The following PLXNA4 variants were observed in gnomAD, a reference collection of about 807,000 sequenced individuals.
The protein encoded by PLXNA4 is plexin A4, also known as plexin-A4.
PLXNA4 carries 44 observed loss-of-function variants against 191.8 expected under a neutral mutation model. That is an observed-to-expected ratio of 0.23 (90% confidence interval 0.18 to 0.29). The LOEUF (loss-of-function observed/expected upper bound fraction) is 0.29. PLXNA4 is among the 10% of genes least tolerant of loss of function. PLXNA4 has a pLI of 1.00. For missense variants in PLXNA4, 1,800 were observed against 2,488.8 expected (o/e 0.72, Z 5.89); for synonymous variants, 1,082 against 1,009.5 (o/e 1.07, Z -1.36).
At chr7:132,238,277 G>T (rs1798768698) in intron 5 of PLXNA4, among the ~76,000 whole-genome samples, 1 of 152,152 alleles carries the variant, frequency 6.6e-6, no homozygotes, top group Admixed American at 6.5e-5. Flanking sequence ...TGATGAAAAT[G>T]TGACCAGAGG....
intron 3 of PLXNA4, among the ~76,000 whole-genome samples, chr7:132,372,524 A>C (rs761763062): frequency 6.6e-6 from 1 of 152,172 alleles, no homozygotes; most frequent in Non-Finnish European, 1.5e-5. Context: ...CAGCTACTGC[A>C]CCACAGCCTT....
At chr7:132,279,171 G>A (rs1299167996) in intron 4 of PLXNA4, among the ~76,000 whole-genome samples, 1 of 152,234 alleles carries the variant, frequency 6.6e-6, no homozygotes, top group Admixed American at 6.5e-5. Flanking sequence ...CTTCCTGACT[G>A]GTGAGTGGTG....
chr7:132,525,750 C>T lies in PLXNA4; in HGVS notation c.-86-16971G>A, dbSNP rs192523706. ...CCCACAGGATTATAATAATATAGCA[C>T]TGAGAAGAACACCAGTCCCTCCCAA... On this transcript the variant is annotated intron_variant, in intron 1 of 31. Coordinates refer to ENST00000321063, the MANE Select transcript of PLXNA4 (RefSeq NM_020911.2). Among the ~76,000 whole-genome samples, 339 of 152,268 alleles carry T rather than the reference C, an allele frequency of 2.2e-3. 1 individual carries two copies. The highest frequency in any genetic ancestry group is 4.0e-3 in the Non-Finnish European group (271 of 68,028).
chr7:132,327,916 T>G (rs1802434997), intron 3 of PLXNA4, among the ~76,000 whole-genome samples: 1 of 152,128 alleles, frequency 6.6e-6, no homozygotes, highest in Admixed American at 6.5e-5. Flanking sequence ...TCCTTCCCAC[T>G]GGTCCCTGAG....
intron 2 of PLXNA4, among the ~76,000 whole-genome samples, chr7:132,592,519 C>CT (rs5887580): frequency 0.71 from 103,417 of 145,676 alleles, 38,018 homozygotes; most frequent in South Asian, 0.87. Flanking sequence ...TTAATTTAAC[C>CT]TTTTTTTTTT....
chr7:132,357,111 A>G (rs1251912472), intron 3 of PLXNA4, among the ~76,000 whole-genome samples: 1 of 152,200 alleles, frequency 6.6e-6, no homozygotes, highest in East Asian at 1.9e-4. Flanking sequence ...TCTCTTCCAG[A>G]CCCAAAAGCC....
Position 132,510,452 on chromosome 7 carries a change from T to G in PLXNA4, c.-86-1673A>C, listed in dbSNP as rs559030556. 3.2e-5 allele frequency among the ~76,000 whole-genome samples: 4 copies of G among 126,542 alleles called. No individual in the cohort carries two copies. In the East Asian group the frequency reaches 1.0e-3, roughly 33 times the overall value. 83.0% of individuals were successfully genotyped at this position (126,542 alleles called of 152,430 possible). A position where few individuals can be genotyped will look rare whatever the true frequency, so the allele number is the denominator to read the frequency against. On this transcript the variant is annotated intron_variant, in intron 1 of 31. Transcript: ENST00000321063. ...CAGTGCTGAAAGCCAAGGGCCTTCA[T>G]TCATTCACCCATGTGGCAAATGTTT... is the stretch of plus-strand genomic sequence containing the variant.
chr7:132,145,315 C>T, intron 28 of PLXNA4, 27 bp from the exon 29 acceptor site: 4 of 1,612,504 alleles, frequency 2.5e-6, no homozygotes, highest in South Asian at 1.1e-5. Context: ...CGTCCAGACA[C>T]AGCTCGACTC....
chr7:132,155,819 G>A (rs946612143), intron 25 of PLXNA4, among the ~76,000 whole-genome samples: 6 of 152,152 alleles, frequency 3.9e-5, no homozygotes, highest in East Asian at 3.9e-4. Context: ...CACATTATTC[G>A]ATATGTTTCT....
At chr7:132,258,541 T>G (rs1051539705) in intron 4 of PLXNA4, among the ~76,000 whole-genome samples, 2 of 152,224 alleles carry the variant, frequency 1.3e-5, no homozygotes, top group African/African-American at 4.8e-5. Context: ...AGACCCTGCC[T>G]GACCATAGCC....
intron 3 of PLXNA4, among the ~76,000 whole-genome samples, chr7:132,473,933 T>C (rs560343874): frequency 2.0e-5 from 3 of 151,722 alleles, no homozygotes; most frequent in South Asian, 4.2e-4. Flanking sequence ...CAAGACAGCA[T>C]GAACATTATT....
At chr7:132,486,947 T>A (rs1797586007) in intron 3 of PLXNA4, among the ~76,000 whole-genome samples, 1 of 152,178 alleles carries the variant, frequency 6.6e-6, no homozygotes. Context: ...TTGACCTCCC[T>A]GTCGGGGAAC....
intron 2 of PLXNA4, among the ~76,000 whole-genome samples, chr7:132,604,887 C>T (rs912577760): frequency 9.2e-5 from 14 of 152,212 alleles, no homozygotes; most frequent in African/African-American, 2.2e-4. Context: ...CACAGCCTCT[C>T]CCTGGGACTC....
chr7:132,171,776 C>T (rs921665675), intron 21 of PLXNA4, among the ~76,000 whole-genome samples: 2 of 152,160 alleles, frequency 1.3e-5, no homozygotes, highest in Non-Finnish European at 2.9e-5. Flanking sequence ...ACCACAGTGA[C>T]TCGTAGGTGG....
chr7:132,468,921 C>A (rs1337443009), intron 3 of PLXNA4, among the ~76,000 whole-genome samples: 1 of 151,872 alleles, frequency 6.6e-6, no homozygotes, highest in Non-Finnish European at 1.5e-5. Flanking sequence ...TCAACAGGCA[C>A]TGAGAAAATG....
Position 132,497,023 on chromosome 7 carries a change from GC to G in PLXNA4, c.1189-7550del, listed in dbSNP as rs145746149. On this transcript the variant is annotated intron_variant, in intron 2 of 31. Coordinates refer to ENST00000321063, the MANE Select transcript of PLXNA4 (RefSeq NM_020911.2). Reference sequence around the variant, plus strand: ...AAAAGGGAAGGGAAGCCCATGAGCTGCCTATTGATACAGAAAAGAAAAGGTC... The same window carrying G: ...AAAAGGGAAGGGAAGCCCATGAGCTGCTATTGATACAGAAAAGAAAAGGTC... Among the ~76,000 whole-genome samples the G allele has an allele frequency of 9.1e-3, 1,384 of 152,284 alleles. 25 individuals are homozygous for G. Among genetic ancestry groups the G allele is most frequent in the African/African-American group, 0.032 (1,321 of 41,562 alleles).
chr7:132,130,422 T>C lies in PLXNA4; in HGVS notation c.*57A>G, dbSNP rs1222391753. 8 of 1,612,686 alleles carry C rather than the reference T, an allele frequency of 5.0e-6. No individual in the cohort carries two copies. Among genetic ancestry groups the C allele is most frequent in the Non-Finnish European group, 6.8e-6 (8 of 1,179,072 alleles). On this transcript the variant is annotated 3_prime_UTR_variant, in exon 32 of 32. Transcript: ENST00000321063. ...CTTGCACTTGGTAAAGATGATAATC[T>C]AGACTGAGGCACGGCTTGGTGTGTC...
At chr7:132,347,068 G>A (rs911535380) in intron 3 of PLXNA4, among the ~76,000 whole-genome samples, 5 of 152,024 alleles carry the variant, frequency 3.3e-5, no homozygotes, top group African/African-American at 9.7e-5. Context: ...TTCTTTCTCT[G>A]ATTGCCACTT....
At chr7:132,561,631 C>G (rs1351657065) in intron 1 of PLXNA4, among the ~76,000 whole-genome samples, 11 of 135,414 alleles carry the variant, frequency 8.1e-5, no homozygotes, top group Middle Eastern at 4.7e-3. Context: ...TCCTCTTCCT[C>G]CTCCTCCTTC....
Sources: gnomAD v4.1 joint callset for allele counts (sites outside exome capture counted in the v4.1 genomes callset) on GRCh38, gnomAD v4.1.1 for gene constraint, MANE v1.5 for transcripts, NCBI Gene and HGNC (gene_info 2026-07-23, HGNC 2026-07-21) for gene names.